Variants in CHD9 observed in about 807,000 individuals in gnomAD.
CHD9 encodes the protein ATP-dependent chromatin remodeler CHD9.
In CHD9, 77 loss-of-function variants were observed where a neutral mutation model predicts 316.1. The ratio of observed to expected loss-of-function variants is 0.24; its 90% CI spans 0.20 to 0.29. CHD9 has a LOEUF of 0.29. Among genes scored for constraint, CHD9 ranks in the 10% least tolerant of loss-of-function variants. CHD9 has a pLI of 1.00. For missense variants in CHD9, 2,763 were observed against 3,438.1 expected (o/e 0.80, Z 4.91); for synonymous variants, 1,129 against 1,158.3 (o/e 0.97, Z 0.51).
intron 2 of CHD9, among the ~76,000 whole-genome samples, chr16:53,205,053 G>A (rs2045790956): frequency 6.6e-6 from 1 of 152,132 alleles, no homozygotes. Flanking sequence ...TGTTGGCCAA[G>A]CTGATCTAGA....
rs2057442372 is a variant in CHD9 at position 53,324,167 on chromosome 16, A to G, written c.7966A>G (p.Asn2656Asp). 1 of 1,613,906 alleles carries G rather than the reference A, an allele frequency of 6.2e-7. No individual in the cohort carries two copies. The highest frequency in any genetic ancestry group is 8.5e-7 in the Non-Finnish European group (1 of 1,179,902). The change falls in exon 39 of 39, where the codon AAT becomes GAT. Residue 2656 changes from asparagine to aspartate, a missense_variant. Asn to Asp is a conservative substitution (Grantham distance 23, BLOSUM62 1). Around this residue, in one of 15 missense-constraint regions of CHD9, gnomAD observed 298 missense variants for 380.2 expected, o/e 0.78. Coordinates refer to ENST00000447540, the MANE Select transcript of CHD9 (RefSeq NM_001308319.2). Reference protein sequence around the residue: ...AAASATSVSGNPLLANGLLPG... With the variant: ...AAASATSVSGDPLLANGLLPG... Reference sequence around the variant, plus strand: ...TGCATCTGCCACCAGTGTTTCAGGCAATCCTTTGTTAGCCAATGGACTACT... The same window carrying G: ...TGCATCTGCCACCAGTGTTTCAGGCGATCCTTTGTTAGCCAATGGACTACT...
rs2036718892 is a variant in CHD9 at position 53,100,064 on chromosome 16, G to A, written c.-165+44987G>A. ...CAGGCCCTGACCAAGCAGGCTGCAG[G>A]GGATGAAGCGGTGAAGGGCAGATGC... On this transcript the variant is annotated intron_variant, in intron 1 of 38. Coordinates refer to ENST00000447540, the MANE Select transcript of CHD9 (RefSeq NM_001308319.2). Among the ~76,000 whole-genome samples the A allele has an allele frequency of 2.6e-5, 4 of 152,240 alleles. No homozygotes were observed. The South Asian group carries it at 8.3e-4, about 31-fold the overall frequency.
rs190916327 is a variant in CHD9 at position 53,124,555 on chromosome 16, T to C, written c.-164-31371T>C. ...TGCAGTGGCAATGATCTTGGCTCAT[T>C]GCAACCTCTGCCTCCTGGTTTCAAG... On this transcript the variant is annotated intron_variant, in intron 1 of 38. Transcript: ENST00000447540. Among the ~76,000 whole-genome samples, 207 of 150,666 alleles carry C rather than the reference T, an allele frequency of 1.4e-3. 1 individual carries two copies. The highest frequency in any genetic ancestry group is 4.8e-3 in the African/African-American group (195 of 40,848).
At chr16:53,201,533 G>A (rs1373262922) in intron 2 of CHD9, among the ~76,000 whole-genome samples, 2 of 151,964 alleles carry the variant, frequency 1.3e-5, no homozygotes, top group East Asian at 3.9e-4. Context: ...TTATATTTTA[G>A]TCCTTGTTGC....
intron 33 of CHD9, 61 bp downstream of exon 33, chr16:53,308,014 C>T: frequency 7.2e-7 from 1 of 1,383,196 alleles, no homozygotes; most frequent in Non-Finnish European, 9.8e-7. Context: ...CATGCTTTTC[C>T]TGCAAATGGC....
chr16:53,171,643 G>A (rs921933745), intron 2 of CHD9, among the ~76,000 whole-genome samples: 7 of 151,814 alleles, frequency 4.6e-5, no homozygotes, highest in Non-Finnish European at 7.4e-5. Flanking sequence ...GAGCTGAGGC[G>A]TTTGAGACCA....
At chr16:53,282,422 A>G (rs919599039) in intron 24 of CHD9, among the ~76,000 whole-genome samples, 1 of 152,142 alleles carries the variant, frequency 6.6e-6, no homozygotes, top group Non-Finnish European at 1.5e-5. Context: ...CCTTGGCAAC[A>G]TGGCGAAACC....
chr16:53,070,470 GTCTT>G lies in CHD9; in HGVS notation c.-165+15412_-165+15415del, dbSNP rs1190166277. Among the ~76,000 whole-genome samples the G allele has an allele frequency of 3.2e-3, 485 of 151,032 alleles. 4 individuals carry two copies. The highest frequency in any genetic ancestry group is 9.7e-3 in the African/African-American group (399 of 40,982). ...CTTCATTTTTTTGCACGAGTAGCAT[GTCTT>G]TCTTTCTTTCTTTCTTTCCTTCCTT... On this transcript the variant is annotated intron_variant, in intron 1 of 38. Coordinates refer to ENST00000447540, the MANE Select transcript of CHD9 (RefSeq NM_001308319.2).
intron 2 of CHD9, among the ~76,000 whole-genome samples, chr16:53,161,848 C>G (rs1223606690): frequency 6.6e-6 from 1 of 152,080 alleles, no homozygotes; most frequent in African/African-American, 2.4e-5. Context: ...GCCTCCTGGG[C>G]TTAAGCGATC....
intron 4 of CHD9, among the ~76,000 whole-genome samples, chr16:53,224,095 G>A (rs2047456476): frequency 6.6e-6 from 1 of 152,144 alleles, no homozygotes; most frequent in Non-Finnish European, 1.5e-5. Flanking sequence ...TACTATATTA[G>A]TCACTTAAAA....
chr16:53,269,120 T>C (rs372759884), intron 22 of CHD9, among the ~76,000 whole-genome samples: 8 of 152,188 alleles, frequency 5.3e-5, no homozygotes, highest in African/African-American at 1.7e-4. Context: ...ATTTTCATTA[T>C]ACTTTAATTT....
chr16:53,209,552 T>C lies in CHD9; in HGVS notation c.1523T>C (p.Met508Thr). 1 of 1,613,782 alleles carries C rather than the reference T, an allele frequency of 6.2e-7. No homozygotes were observed. Among genetic ancestry groups the C allele is most frequent in the Non-Finnish European group, 8.5e-7 (1 of 1,179,770 alleles). Residue 508 changes from methionine to threonine, a missense_variant, in exon 3 of 39, where the codon ATG (methionine) becomes ACG (threonine). Physicochemically the swap from Met to Thr is moderately conservative, Grantham distance 81. Transcript: ENST00000447540. ...TTGCAGAATACCCAGGTGAGGGTCA[T>C]GTCTGAGAAGAAGCAGAGAAAAAAG... ...TKLQNTQVRV[M>T]SEKKQRKKVE...
rs775772600 is a variant in CHD9, at chr16:53,245,850, G to T, written c.3454G>T (p.Gly1152Cys). The T allele has an allele frequency of 1.4e-6, 2 of 1,480,300 alleles. No individual in the cohort carries two copies. The highest frequency in any genetic ancestry group is 1.8e-6 in the Non-Finnish European group (2 of 1,115,070). The allele number at this position is 1,480,300 out of a possible 1,614,324, so 91.7% of individuals were successfully genotyped here. A position where few individuals can be genotyped will look rare whatever the true frequency, so the allele number is the denominator to read the frequency against. Residue 1152 changes from glycine (G) to cysteine (C), a missense_variant and splice_region_variant, in exon 15 of 39, where the codon GGT becomes TGT. Physicochemically the swap from Gly to Cys is radical, Grantham distance 159. Around this residue, in one of 15 missense-constraint regions of CHD9, gnomAD observed 155 missense variants for 291.8 expected, o/e 0.53. Transcript: ENST00000447540. The surrounding 1 kb of genome is among the most constrained non-coding windows in gnomAD (Gnocchi z 4.1). ...KCCNHPYLIK[G>C]AEEKILGEFR... ...TTGTAATCATCCATATCTTATAAAA[G>T]GTAGCTAAAAAAGATTACAACAAAT...
chr16:53,100,547 C>T (rs1382567386), intron 1 of CHD9, among the ~76,000 whole-genome samples: 4 of 150,294 alleles, frequency 2.7e-5, no homozygotes, highest in Non-Finnish European at 5.9e-5. Flanking sequence ...AAGCCTGGGA[C>T]TCCTGAGCTC....
chr16:53,312,888 C>T (rs1333518519), intron 34 of CHD9, among the ~76,000 whole-genome samples: 1 of 152,156 alleles, frequency 6.6e-6, no homozygotes, highest in Non-Finnish European at 1.5e-5. Context: ...CCTTGAATGA[C>T]TGGAAATGCA....
At chr16:53,091,604 T>C (rs1171048987) in intron 1 of CHD9, among the ~76,000 whole-genome samples, 1 of 152,216 alleles carries the variant, frequency 6.6e-6, no homozygotes, top group East Asian at 1.9e-4. Context: ...TTTGGTTTCC[T>C]GCAAACTCCT....
chr16:53,080,473 TTG>T (rs1298574721), intron 1 of CHD9, among the ~76,000 whole-genome samples: 2 of 152,176 alleles, frequency 1.3e-5, no homozygotes, highest in Admixed American at 6.5e-5. Context: ...ACACAGGTCT[TTG>T]TCTCTACAAC....
intron 1 of CHD9, among the ~76,000 whole-genome samples, chr16:53,105,004 C>CA (rs555506577): frequency 5.5e-4 from 81 of 148,174 alleles, no homozygotes; most frequent in South Asian, 1.9e-3. Flanking sequence ...AACAAAAAAA[C>CA]AAAAAAAACA....
intron 1 of CHD9, among the ~76,000 whole-genome samples, chr16:53,070,027 C>T (rs1049550476): frequency 1.3e-4 from 20 of 152,104 alleles, no homozygotes; most frequent in South Asian, 2.1e-4. Flanking sequence ...TCTTTTCATG[C>T]GCTTACTGGC....
Sources: gnomAD v4.1 joint callset for allele counts (sites outside exome capture counted in the v4.1 genomes callset) on GRCh38, gnomAD v4.1.1 for gene constraint, gnomAD v4.1.1 regional missense constraint, Gnocchi (gnomAD v3.1) non-coding constraint, MANE v1.5 for transcripts, NCBI Gene and HGNC (gene_info 2026-07-23, HGNC 2026-07-21) for gene names.